TLK1: variants seen among roughly 807,000 people sequenced by gnomAD.
The protein encoded by TLK1 is tousled like kinase 1.
TLK1 carries 24 observed loss-of-function variants against 105.3 expected under a neutral mutation model. That is an observed-to-expected ratio of 0.23 (90% CI 0.17 to 0.32). The LOEUF is 0.32. TLK1 is among the 10% of genes least tolerant of loss of function. The pLI, the probability that TLK1 is intolerant of heterozygous loss-of-function variation, is 1.00. For missense variants in TLK1, 558 were observed against 910.5 expected, an observed-to-expected ratio of 0.61 and a Z score of 4.98; for synonymous variants, 321 against 310.4, an observed-to-expected ratio of 1.03 and a Z score of -0.36.
At chr2:171,095,665 C>A (rs1188085565) in intron 2 of TLK1, among the ~76,000 whole-genome samples, 2 of 151,940 alleles carry the variant, frequency 1.3e-5, no homozygotes, top group African/African-American at 4.8e-5. Flanking sequence ...TCCTGAAATG[C>A]AAGGGTGGTT....
At chr2:170,995,638 A>G (rs981572764) in intron 20 of TLK1, among the ~76,000 whole-genome samples, 10 of 152,242 alleles carry the variant, frequency 6.6e-5, no homozygotes, top group African/African-American at 2.4e-4. Context: ...CACAGTTAAA[A>G]TATTTTTAAA....
rs218305 is a variant in TLK1, at chr2:171,198,334, G to A, written c.-6+32811C>T. ...GTGTCAGCGCAATTAATTATAGCAT[G>A]AAGCTTTTCTGCTCAGAGGCATCAT... On this transcript the variant is annotated intron_variant, in intron 1 of 20. Coordinates refer to the TLK1 transcript ENST00000521943. Among the ~76,000 whole-genome samples the A allele has an allele frequency of 8.4e-3, 1,278 of 152,314 alleles. 19 individuals are homozygous for A. The highest frequency in any genetic ancestry group is 0.028 in the African/African-American group (1,151 of 41,554).
At chr2:171,144,937 C>T (rs1206030299) in intron 1 of TLK1, among the ~76,000 whole-genome samples, 3 of 152,114 alleles carry the variant, frequency 2.0e-5, no homozygotes, top group Non-Finnish European at 4.4e-5. Context: ...CAAAGGATAA[C>T]GAAAAGGCCA....
At chr2:171,072,338 G>C (rs1688299554) in intron 3 of TLK1, among the ~76,000 whole-genome samples, 1 of 152,196 alleles carries the variant, frequency 6.6e-6, no homozygotes, top group Non-Finnish European at 1.5e-5. Context: ...TAAAAGCTGG[G>C]TGCGGTGGCT....
chr2:171,083,039 T>C (rs1194207007), intron 2 of TLK1, among the ~76,000 whole-genome samples, 187 bp from the exon 3 acceptor site: 1 of 152,190 alleles, frequency 6.6e-6, no homozygotes, highest in Non-Finnish European at 1.5e-5. Flanking sequence ...CTATATACTT[T>C]GAAAAGTTTT....
chr2:171,201,898 C>CATCT (rs3081728), intron 1 of TLK1, among the ~76,000 whole-genome samples: 33,486 of 148,142 alleles, frequency 0.23, 3,768 homozygotes, highest in East Asian at 0.25. Flanking sequence ...TATCAGCTAT[C>CATCT]ATCTATCTAT....
At chr2:171,069,792 G>A (rs1052427528) in intron 3 of TLK1, among the ~76,000 whole-genome samples, 1 of 152,278 alleles carries the variant, frequency 6.6e-6, no homozygotes, top group Admixed American at 6.5e-5. Context: ...TTATGTATTC[G>A]TGAATTCTAG....
intron 1 of TLK1, among the ~76,000 whole-genome samples, chr2:171,121,910 A>G (rs868853448): frequency 6.6e-6 from 1 of 152,218 alleles, no homozygotes; most frequent in Non-Finnish European, 1.5e-5. Context: ...TCTTAAAAGC[A>G]CAATCTCTCC....
chr2:171,193,414 T>G (rs1693194407), intron 1 of TLK1, among the ~76,000 whole-genome samples: 1 of 151,564 alleles, frequency 6.6e-6, no homozygotes, highest in Non-Finnish European at 1.5e-5. Flanking sequence ...TTTTTTTTTT[T>G]GAGATGGAGT....
upstream of TLK1, among the ~76,000 whole-genome samples, chr2:171,163,293 A>G (rs1287743088): frequency 1.3e-5 from 2 of 152,376 alleles, no homozygotes; most frequent in African/African-American, 2.4e-5. Context: ...ACATTCATGT[A>G]CAAGTCTTTC....
In TLK1 at chr2:171,178,289, A is replaced by G. The variant is rs376072141; in HGVS notation, c.-6+52856T>C. Among the ~76,000 whole-genome samples the G allele has an allele frequency of 4.6e-5, 7 of 152,324 alleles. No homozygotes were observed. In the South Asian group the frequency reaches 1.4e-3, roughly 32 times the overall value. On this transcript the variant is annotated intron_variant, in intron 1 of 20. Transcript: ENST00000521943. ...CACGCAGATATCAAGGGAAGAAACC[A>G]GGATTGGAACCCAGGTCTGCTTGAG...
chr2:171,168,625 G>T (rs1347904449), intron 1 of TLK1, among the ~76,000 whole-genome samples: 1 of 152,084 alleles, frequency 6.6e-6, no homozygotes, highest in Non-Finnish European at 1.5e-5. Flanking sequence ...GGAAGATAGG[G>T]GTTGGAAAGA....
At chr2:171,069,247 G>C (rs570811386) in intron 3 of TLK1, among the ~76,000 whole-genome samples, 186 of 152,286 alleles carry the variant, frequency 1.2e-3, no homozygotes, top group African/African-American at 4.2e-3. Context: ...GCATCACTTT[G>C]AAATAAGGCA....
At chr2:170,999,973 T>C (rs1575498947) in intron 18 of TLK1, among the ~76,000 whole-genome samples, 2 of 152,154 alleles carry the variant, frequency 1.3e-5, no homozygotes, top group Middle Eastern at 6.8e-3. Flanking sequence ...GTTGCCCAGG[T>C]TGGTCTTCAA....
At chr2:171,117,934 T>C in intron 1 of TLK1, 77 bp from the exon 2 acceptor site, 1 of 986,734 alleles carries the variant, frequency 1.0e-6, no homozygotes, top group South Asian at 2.1e-5. Context: ...AATATATATA[T>C]GTGATTAGTT....
intron 11 of TLK1, 188 bp downstream of exon 11, chr2:171,045,986 C>G: frequency 2.1e-6 from 1 of 474,084 alleles, no homozygotes; most frequent in East Asian, 3.4e-5. Context: ...ATTGTTAAAT[C>G]TCTGCTTAAA....
chr2:171,165,087 C>A (rs918143034), upstream of TLK1, among the ~76,000 whole-genome samples: 2 of 152,186 alleles, frequency 1.3e-5, no homozygotes, highest in Non-Finnish European at 2.9e-5. Flanking sequence ...GAAGAAATCT[C>A]AAGAGCAAGA....
At chr2:171,076,824 G>T (rs1688533612) in intron 3 of TLK1, among the ~76,000 whole-genome samples, 1 of 151,806 alleles carries the variant, frequency 6.6e-6, no homozygotes, top group Non-Finnish European at 1.5e-5. Flanking sequence ...TGAGGCAGGA[G>T]AATGGCGTGA....
chr2:171,007,271 A>C (rs1308147485), intron 14 of TLK1, among the ~76,000 whole-genome samples: 1 of 152,068 alleles, frequency 6.6e-6, no homozygotes, highest in Non-Finnish European at 1.5e-5. Context: ...ATCAGAGAAA[A>C]CCTTAATGTG....
Sources: gnomAD v4.1 joint callset for allele counts (sites outside exome capture counted in the v4.1 genomes callset) on GRCh38, gnomAD v4.1.1 for gene constraint, MANE v1.5 for transcripts, NCBI Gene and HGNC (gene_info 2026-07-23, HGNC 2026-07-21) for gene names.